Variants in PCDHGA9 observed in about 807,000 individuals in gnomAD.
PCDHGA9 encodes the protein protocadherin gamma subfamily A, 9.
PCDHGA9 carries 37 observed loss-of-function variants against 62.5 expected under a neutral mutation model. The observed-to-expected ratio is 0.59, with a 90% CI of 0.46 to 0.78. The LOEUF (loss-of-function observed/expected upper bound fraction) is 0.78, where lower values mean the gene tolerates loss of function less well. PCDHGA9 is among the 30% of genes least tolerant of loss of function. PCDHGA9 has a pLI of 0.00. For missense variants in PCDHGA9, 1,138 were observed against 1,166.2 expected (o/e 0.98, Z 0.35); for synonymous variants, 459 against 484.6 (o/e 0.95, Z 0.69).
chr5:141,509,586 T>A (rs2154594569), intron 3 of PCDHGA9, among the ~76,000 whole-genome samples: 1 of 152,302 alleles, frequency 6.6e-6, no homozygotes, highest in East Asian at 1.9e-4. Flanking sequence ...ACAAATCAGC[T>A]GGCAATTCCG....
chr5:141,510,898 T>G (rs1393880610), intron 3 of PCDHGA9, 49 bp from the exon 4 acceptor site: 1 of 1,613,278 alleles, frequency 6.2e-7, no homozygotes, highest in East Asian at 2.2e-5. Context: ...ACAGTGACTG[T>G]TGAGGACCCT....
chr5:141,417,627 G>C, intron 1 of PCDHGA9: 1 of 694,264 alleles, frequency 1.4e-6, no homozygotes, highest in Non-Finnish European at 2.3e-6. Flanking sequence ...AGCAAGCGCT[G>C]ACGCCGGGGA....
At chr5:141,508,835 C>T (rs1190105775) in intron 3 of PCDHGA9, among the ~76,000 whole-genome samples, 12 of 152,158 alleles carry the variant, frequency 7.9e-5, no homozygotes, top group African/African-American at 2.9e-4. Flanking sequence ...CCCCCCTCCC[C>T]TACCCCTTCC....
intron 1 of PCDHGA9, chr5:141,415,644 A>G: frequency 6.2e-7 from 1 of 1,600,070 alleles, no homozygotes; most frequent in Non-Finnish European, 8.5e-7. Flanking sequence ...CTTTTGTTAA[A>G]AAAAAAAAGA....
At chr5:141,463,583 G>A (rs1444995569) in intron 1 of PCDHGA9, among the ~76,000 whole-genome samples, 1 of 151,598 alleles carries the variant, frequency 6.6e-6, no homozygotes, top group African/African-American at 2.4e-5. Flanking sequence ...CGAGTAGCTG[G>A]GACTACAGGT....
chr5:141,417,699 C>G, intron 1 of PCDHGA9: 1 of 1,164,548 alleles, frequency 8.6e-7, no homozygotes. Context: ...AACCAGCTCC[C>G]ACACAGAGGC....
rs1333951046 is a variant in PCDHGA9, at chr5:141,485,847, C to T, written c.2425-8960C>T. 10 of 1,614,092 alleles carry T rather than the reference C, an allele frequency of 6.2e-6. No individual in the cohort carries two copies. In the African/African-American group the frequency reaches 8.0e-5, roughly 13 times the overall value. On this transcript the variant is annotated intron_variant, in intron 1 of 3. Transcript: ENST00000573521. This position sits in a 1 kb window ranked among gnomAD's most constrained non-coding sequence, Gnocchi z 5.7. ...GGAGGGAACCCGCCGAGATCTGGCA[C>T]CGCAGAGCTCCGGGTATCCGTGCTG...
intron 2 of PCDHGA9, among the ~76,000 whole-genome samples, chr5:141,497,390 C>T (rs2099776143): frequency 6.6e-6 from 1 of 152,158 alleles, no homozygotes; most frequent in Non-Finnish European, 1.5e-5. Context: ...GAGCACCTTA[C>T]CCCTGCCTCA....
intron 1 of PCDHGA9, chr5:141,423,398 G>C (rs767594062): frequency 6.8e-6 from 11 of 1,614,172 alleles, no homozygotes; most frequent in Non-Finnish European, 9.3e-6. Context: ...CATAAGTCAC[G>C]CCTGCTGCAG....
intron 2 of PCDHGA9, among the ~76,000 whole-genome samples, chr5:141,503,985 T>C (rs1277024188): frequency 6.6e-6 from 1 of 152,150 alleles, no homozygotes; most frequent in African/African-American, 2.4e-5. Flanking sequence ...ACCCTTCTTC[T>C]TACCTTACAG....
chr5:141,405,967 G>C (rs76683972), intron 1 of PCDHGA9, among the ~76,000 whole-genome samples: 1 of 151,968 alleles, frequency 6.6e-6, no homozygotes, highest in Non-Finnish European at 1.5e-5. Context: ...TGCTGTCAAC[G>C]TAAACCATAC....
chr5:141,424,690 TA>T (rs796070231), intron 1 of PCDHGA9: 89 of 152,358 alleles, frequency 5.8e-4, no homozygotes, highest in African/African-American at 1.9e-3. Context: ...TCCTTCTGGC[TA>T]TTTTTTTGTT....
chr5:141,416,063 A>G (rs546746824), intron 1 of PCDHGA9: 201 of 176,914 alleles, frequency 1.1e-3, no homozygotes, highest in Non-Finnish European at 1.8e-3. Flanking sequence ...ATCCAAGAAT[A>G]CTCAATGCAG....
In PCDHGA9 at chr5:141,423,272, T is replaced by C. The variant is rs372798900; in HGVS notation, c.2424+17896T>C. On this transcript the variant is annotated intron_variant, in intron 1 of 3. Coordinates refer to ENST00000573521, the MANE Select transcript of PCDHGA9 (RefSeq NM_018921.3). ...GCGGACCTCGGCAGCCTCGAGTCTC[T>C]GGCTAACTCTGAAACCTCAGACCTC... 36 of 1,613,586 alleles carry C rather than the reference T, an allele frequency of 2.2e-5. No individual in the cohort carries two copies. In the African/African-American group the frequency reaches 4.4e-4, roughly 20 times the overall value.
rs765586654 is a variant in PCDHGA9 at position 141,421,994 on chromosome 5, T to C, written c.2424+16618T>C. 8 of 1,608,922 alleles carry C rather than the reference T, an allele frequency of 5.0e-6. No homozygotes were observed. In the African/African-American group the frequency reaches 5.4e-5, roughly 11 times the overall value. On this transcript the variant is annotated intron_variant, in intron 1 of 3. Coordinates refer to ENST00000573521, the MANE Select transcript of PCDHGA9 (RefSeq NM_018921.3). ...TATCGCGTGAGTGTTCCAGAAAACA[T>C]CAGCTCCGGAACTCGGGTGCTGATG...
chr5:141,442,725 G>A (rs1381140725), intron 1 of PCDHGA9, among the ~76,000 whole-genome samples: 1 of 152,198 alleles, frequency 6.6e-6, no homozygotes, highest in Admixed American at 6.5e-5. Flanking sequence ...AGCATTTGGG[G>A]CCTGTAGGTA....
At chr5:141,413,336 A>G (rs1561741680) in intron 1 of PCDHGA9, 1 of 1,613,972 alleles carries the variant, frequency 6.2e-7, no homozygotes, top group Non-Finnish European at 8.5e-7. Flanking sequence ...AACATCTCCA[A>G]GGACTTGGGT....
rs1488305057 is a variant in PCDHGA9, at chr5:141,477,736, C to A, written c.2425-17071C>A. ...AATTTGAATTAACAGCTCATATCAG[C>A]GATGGGGGCACCCCGGTCCTAGCCA... On this transcript the variant is annotated intron_variant, in intron 1 of 3. Transcript: ENST00000573521. This position sits in a 1 kb window ranked among gnomAD's most constrained non-coding sequence, Gnocchi z 4.9. The A allele has an allele frequency of 6.2e-7, 1 of 1,613,790 alleles. No homozygotes were observed. Among genetic ancestry groups the A allele is most frequent in the Non-Finnish European group, 8.5e-7 (1 of 1,180,024 alleles).
chr5:141,430,756 A>G (rs747363475), intron 1 of PCDHGA9: 1 of 1,503,228 alleles, frequency 6.7e-7, no homozygotes, highest in Non-Finnish European at 8.9e-7. Flanking sequence ...GGAGGAAGAT[A>G]AGAATGATTC....
Sources: gnomAD v4.1 joint callset for allele counts (sites outside exome capture counted in the v4.1 genomes callset) on GRCh38, gnomAD v4.1.1 for gene constraint, Gnocchi (gnomAD v3.1) non-coding constraint, MANE v1.5 for transcripts, NCBI Gene and HGNC (gene_info 2026-07-23, HGNC 2026-07-21) for gene names.